Variants in GABRA4 observed in about 807,000 individuals in gnomAD.
GABRA4 encodes the protein gamma-aminobutyric acid receptor subunit alpha-4.
In GABRA4, 12 loss-of-function variants were observed where a neutral mutation model predicts 49.7. The observed-to-expected ratio is 0.24, with a 90% CI of 0.15 to 0.39. The LOEUF (loss-of-function observed/expected upper bound fraction) is 0.39. GABRA4 is among the 10% of genes least tolerant of loss of function. The pLI is 1.00. For missense variants in GABRA4, 506 were observed against 686.0 expected, an observed-to-expected ratio of 0.74 and a Z score of 2.93; for synonymous variants, 288 against 240.2, an observed-to-expected ratio of 1.20 and a Z score of -1.84.
At chr4:46,992,471 C>T (rs1723791604) in intron 2 of GABRA4, among the ~76,000 whole-genome samples, 1 of 152,192 alleles carries the variant, frequency 6.6e-6, no homozygotes, top group African/African-American at 2.4e-5. Flanking sequence ...ATGCAACCTG[C>T]TCTGAGCGAA....
At chr4:46,972,928 T>C (rs1723001459) in intron 6 of GABRA4, among the ~76,000 whole-genome samples, 1 of 151,762 alleles carries the variant, frequency 6.6e-6, no homozygotes, top group South Asian at 2.1e-4. Context: ...ACTACTCATT[T>C]TCTACTAATG....
intron 7 of GABRA4, among the ~76,000 whole-genome samples, chr4:46,969,656 C>G (rs1220426972): frequency 6.6e-6 from 1 of 151,296 alleles, no homozygotes; most frequent in African/African-American, 2.4e-5. Context: ...GTCCAGATAC[C>G]CTATATTGAG....
At chr4:46,989,065 A>C (rs1346933185) in intron 2 of GABRA4, among the ~76,000 whole-genome samples, 1 of 152,242 alleles carries the variant, frequency 6.6e-6, no homozygotes, top group African/African-American at 2.4e-5. Context: ...CAAATGCTTC[A>C]TTCCCATTTC....
chr4:46,993,284 G>T, intron 1 of GABRA4, 55 bp downstream of exon 1: 1 of 1,478,324 alleles, frequency 6.8e-7, no homozygotes, highest in Admixed American at 1.7e-5. Context: ...GGGTCCCGGA[G>T]CTAGCCATTT....
chr4:46,925,802 A>C lies in GABRA4; in HGVS notation c.*2423T>G, dbSNP rs1179004397. ...TGTGCAAATGAAATAATTTATTTTA[A>C]TAATAATGTTTAAGCTTTCTGGTTA... On this transcript the variant is annotated 3_prime_UTR_variant, in exon 9 of 9. Coordinates refer to ENST00000264318, the MANE Select transcript of GABRA4 (RefSeq NM_000809.4). The C allele has an allele frequency of 6.7e-6, 1 of 149,062 alleles. No individual in the cohort carries two copies. Among genetic ancestry groups the C allele is most frequent in the Non-Finnish European group, 1.5e-5 (1 of 67,246 alleles). 9.2% of individuals were successfully genotyped at this position (149,062 alleles called of 1,614,324 possible). A position where few individuals can be genotyped will look rare whatever the true frequency, so the allele number is the denominator to read the frequency against.
Position 46,927,523 on chromosome 4 carries a change from T to C in GABRA4, c.*702A>G, listed in dbSNP as rs1460490448. The C allele has an allele frequency of 6.6e-6, 1 of 152,484 alleles. No individual in the cohort carries two copies. Among genetic ancestry groups the C allele is most frequent in the Non-Finnish European group, 1.5e-5 (1 of 67,998 alleles). The allele number at this position is 152,484 out of a possible 1,614,324, so 9.4% of individuals were successfully genotyped here. A position where few individuals can be genotyped will look rare whatever the true frequency, so the allele number is the denominator to read the frequency against. ...ACACAGTAGGCTCTGAATAACTATG[T>C]AGTAAATAAACACATAACTGAATGA... is the stretch of plus-strand genomic sequence containing the variant. On this transcript the variant is annotated 3_prime_UTR_variant, in exon 9 of 9. Coordinates refer to ENST00000264318, the MANE Select transcript of GABRA4 (RefSeq NM_000809.4).
At chr4:46,974,918 A>G (rs1440715337) in intron 5 of GABRA4, among the ~76,000 whole-genome samples, 1 of 151,970 alleles carries the variant, frequency 6.6e-6, no homozygotes, top group African/African-American at 2.4e-5. Context: ...TTTGGGGACC[A>G]TTGTACAGTG....
chr4:46,972,287 T>C (rs1026058064), intron 6 of GABRA4, among the ~76,000 whole-genome samples: 2 of 151,666 alleles, frequency 1.3e-5, no homozygotes, highest in African/African-American at 4.8e-5. Context: ...CCATTGATTT[T>C]ATGACAAAGA....
intron 6 of GABRA4, among the ~76,000 whole-genome samples, chr4:46,973,523 C>T (rs1433439472): frequency 6.6e-6 from 1 of 151,600 alleles, no homozygotes; most frequent in East Asian, 1.9e-4. Flanking sequence ...TATGAGCCGC[C>T]CTATTTGTGT....
chr4:46,988,999 G>A (rs1401012876), intron 2 of GABRA4, among the ~76,000 whole-genome samples: 2 of 152,114 alleles, frequency 1.3e-5, no homozygotes, highest in South Asian at 4.1e-4. Flanking sequence ...TAAATAATGC[G>A]AAGTCCACTA....
intron 2 of GABRA4, among the ~76,000 whole-genome samples, chr4:46,985,113 A>G (rs1234624418): frequency 6.6e-6 from 1 of 152,138 alleles, no homozygotes; most frequent in Non-Finnish European, 1.5e-5. Flanking sequence ...GCAATATGCA[A>G]CAATAAGAAT....
intron 8 of GABRA4, among the ~76,000 whole-genome samples, chr4:46,958,387 G>A (rs1489753278): frequency 6.6e-6 from 1 of 151,810 alleles, no homozygotes; most frequent in Middle Eastern, 3.2e-3. Flanking sequence ...ATAATTTGTG[G>A]CTGGATAAGA....
Position 46,928,738 on chromosome 4 carries a change from C to A in GABRA4, c.1152G>T (p.Leu384Phe). ...AAGCATTTGTTCTTTTTCTCATGTT[C>A]AAATTGGCATTTGTATTCTGAAAAG... ...EAPLQNTNAN[L>F]NMRKRTNALV... Residue 384 changes from leucine to phenylalanine, a missense_variant, in exon 9 of 9, where the codon TTG becomes TTT. Transcript: ENST00000264318. 6.2e-7 allele frequency: 1 copy of A among 1,608,996 alleles called. No individual in the cohort carries two copies. The highest frequency in any genetic ancestry group is 1.1e-5 in the South Asian group (1 of 90,590).
intron 8 of GABRA4, among the ~76,000 whole-genome samples, chr4:46,930,284 C>A (rs1721383547): frequency 6.6e-6 from 1 of 152,092 alleles, no homozygotes; most frequent in African/African-American, 2.4e-5. Flanking sequence ...GCTGAAGAAC[C>A]ATTACTTATC....
In GABRA4 at chr4:46,965,602, CG is replaced by C. The variant is rs1027360729; in HGVS notation, c.875-374del. 1.6e-4 allele frequency among the ~76,000 whole-genome samples: 25 copies of C among 151,718 alleles called. 1 individual carries two copies. The highest frequency in any genetic ancestry group is 4.4e-4 in the African/African-American group (18 of 41,344). ...CTGGAAACTGAGCCAACACACCCAA[CG>C]GACTCAACAGACACACACCTCTCAG... On this transcript the variant is annotated intron_variant, in intron 7 of 8. Coordinates refer to ENST00000264318, the MANE Select transcript of GABRA4 (RefSeq NM_000809.4).
In GABRA4 at chr4:46,971,319, A is replaced by G. The variant is rs1054897907; in HGVS notation, c.722-84T>C. 8.9e-6 allele frequency: 11 copies of G among 1,237,054 alleles called. 1 individual carries two copies. Among genetic ancestry groups the G allele is most frequent in the South Asian group, 7.7e-5 (6 of 77,706 alleles). 76.6% of individuals were successfully genotyped at this position (1,237,054 alleles called of 1,614,324 possible). ...TTCATAAACATATTTCAGACTAACA[A>G]ACAGGATTCTAAGGAAAGAAATTCT... On this transcript the variant is annotated intron_variant, in intron 6 of 8. Coordinates refer to ENST00000264318, the MANE Select transcript of GABRA4 (RefSeq NM_000809.4).
chr4:46,927,200 C>A lies in GABRA4; in HGVS notation c.*1025G>T, dbSNP rs1721260148. Reference sequence around the variant, plus strand: ...TTACTTTCAAGTACATAATGCTTTTCACTTATAGAACAATCTGTACCATAT... The same window carrying A: ...TTACTTTCAAGTACATAATGCTTTTAACTTATAGAACAATCTGTACCATAT... On this transcript the variant is annotated 3_prime_UTR_variant, in exon 9 of 9. Transcript: ENST00000264318. 6.6e-6 allele frequency: 1 copy of A among 152,336 alleles called. No homozygotes were observed. The highest frequency in any genetic ancestry group is 6.6e-5 in the Admixed American group (1 of 15,218). The allele number at this position is 152,336 out of a possible 1,614,324, so 9.4% of individuals were successfully genotyped here. A position where few individuals can be genotyped will look rare whatever the true frequency, so the allele number is the denominator to read the frequency against.
intron 3 of GABRA4, among the ~76,000 whole-genome samples, chr4:46,978,480 G>T (rs938885245): frequency 1.3e-5 from 2 of 151,574 alleles, no homozygotes; most frequent in Non-Finnish European, 2.9e-5. Flanking sequence ...CTGAGGTCAG[G>T]AGTTCGAGAC....
chr4:46,959,419 G>C (rs1249686508), intron 8 of GABRA4, among the ~76,000 whole-genome samples: 1 of 151,944 alleles, frequency 6.6e-6, no homozygotes, highest in Non-Finnish European at 1.5e-5. Context: ...TTATTTTAAA[G>C]TCTTTCCCAA....
Sources: allele counts gnomAD v4.1 joint callset (sites outside exome capture counted in the v4.1 genomes callset), GRCh38; gene constraint gnomAD v4.1.1; transcripts MANE v1.5; gene names NCBI Gene and HGNC (gene_info 2026-07-23, HGNC 2026-07-21).